The following NKAIN2 variants were observed in gnomAD, a reference collection of about 807,000 sequenced individuals.
NKAIN2 encodes sodium/potassium transporting ATPase interacting 2, also known as sodium/potassium-transporting ATPase subunit beta-1-interacting protein 2.
NKAIN2 carries 14 observed loss-of-function variants against 32.6 expected under a neutral mutation model. The observed-to-expected ratio is 0.43, with a 90% CI of 0.28 to 0.67. The LOEUF (loss-of-function observed/expected upper bound fraction) is 0.67, where lower values mean the gene tolerates loss of function less well. Ranked by LOEUF, NKAIN2 falls within the 30% of genes least tolerant of loss-of-function variation. The pLI, the probability that NKAIN2 is intolerant of heterozygous loss-of-function variation, is 0.17. For synonymous variants in NKAIN2, 80 were observed against 87.2 expected (o/e 0.92, Z 0.46); for missense variants, 198 against 258.3 (o/e 0.77, Z 1.60).
At chr6:124,160,570 A>G (rs1306172079) in intron 1 of NKAIN2, among the ~76,000 whole-genome samples, 7 of 152,182 alleles carry the variant, frequency 4.6e-5, no homozygotes, top group Non-Finnish European at 1.0e-4. Context: ...ATATTCAGCT[A>G]CTAAAATGAT....
intron 1 of NKAIN2, among the ~76,000 whole-genome samples, chr6:123,869,042 C>T (rs925649280): frequency 2.0e-5 from 3 of 152,036 alleles, no homozygotes; most frequent in African/African-American, 7.2e-5. Context: ...CTAAAACATC[C>T]GAAGAACTGG....
At chr6:124,467,579 A>G (rs1426325445) in intron 3 of NKAIN2, among the ~76,000 whole-genome samples, 2 of 152,092 alleles carry the variant, frequency 1.3e-5, no homozygotes, top group African/African-American at 2.4e-5. Flanking sequence ...AAACTCAGAG[A>G]AGGCTCTCCA....
intron 4 of NKAIN2, among the ~76,000 whole-genome samples, chr6:124,693,908 A>G (rs2114546390): frequency 6.6e-6 from 1 of 152,184 alleles, no homozygotes; most frequent in Middle Eastern, 3.4e-3. Flanking sequence ...AAAGTCCTCT[A>G]AATTGCATCT....
chr6:124,396,634 TGG>T (rs1491185543), intron 3 of NKAIN2, among the ~76,000 whole-genome samples: 2 of 152,160 alleles, frequency 1.3e-5, no homozygotes, highest in East Asian at 3.9e-4. Context: ...GAGTTGCTGA[TGG>T]AGAGTATGTT....
intron 3 of NKAIN2, among the ~76,000 whole-genome samples, chr6:124,524,317 T>G (rs923067009): frequency 6.6e-6 from 1 of 151,598 alleles, no homozygotes; most frequent in Non-Finnish European, 1.5e-5. Flanking sequence ...TGCAAATTTA[T>G]TTATCAAGTG....
chr6:124,343,890 A>G, intron 2 of NKAIN2, among the ~76,000 whole-genome samples: 1 of 134,852 alleles, frequency 7.4e-6, no homozygotes, highest in Middle Eastern at 3.6e-3. Context: ...GGTGTTTTAG[A>G]CATGAAGTCG....
intron 1 of NKAIN2, among the ~76,000 whole-genome samples, chr6:124,028,422 A>G (rs898184915): frequency 3.3e-5 from 5 of 151,162 alleles, no homozygotes; most frequent in African/African-American, 4.9e-5. Context: ...GGATAGCATT[A>G]GGAGATATAC....
At chr6:124,251,616 A>T (rs931443256) in intron 1 of NKAIN2, among the ~76,000 whole-genome samples, 1 of 152,036 alleles carries the variant, frequency 6.6e-6, no homozygotes, top group Non-Finnish European at 1.5e-5. Flanking sequence ...CTTTAGAAGT[A>T]AGCAAAGTGA....
intron 1 of NKAIN2, among the ~76,000 whole-genome samples, chr6:124,241,374 C>T (rs1793085865): frequency 6.6e-6 from 1 of 152,098 alleles, no homozygotes; most frequent in Non-Finnish European, 1.5e-5. Context: ...ACTTTCTTCA[C>T]AGAATTAGAA....
At chr6:124,736,694 G>A (rs1776963933) in intron 4 of NKAIN2, among the ~76,000 whole-genome samples, 1 of 151,930 alleles carries the variant, frequency 6.6e-6, no homozygotes, top group African/African-American at 2.4e-5. Context: ...TCTGTTTACA[G>A]CACAGTTTAC....
At chr6:123,888,810 C>T (rs975037820) in intron 1 of NKAIN2, among the ~76,000 whole-genome samples, 13 of 152,052 alleles carry the variant, frequency 8.5e-5, no homozygotes, top group African/African-American at 3.1e-4. Context: ...AACTATTTCT[C>T]TTAGGGACTG....
At chr6:123,992,281 A>C (rs1421933486) in intron 1 of NKAIN2, among the ~76,000 whole-genome samples, 1 of 152,190 alleles carries the variant, frequency 6.6e-6, no homozygotes, top group Admixed American at 6.5e-5. Context: ...GGAAAGAGGA[A>C]GGAATGGATA....
intron 1 of NKAIN2, among the ~76,000 whole-genome samples, chr6:124,272,994 C>A (rs1407676085): frequency 6.6e-6 from 1 of 152,152 alleles, no homozygotes; most frequent in Non-Finnish European, 1.5e-5. Flanking sequence ...TTGGAAGTAA[C>A]TAACTTGTTT....
In NKAIN2 at chr6:124,130,940, G is replaced by A. The variant is rs902626381; in HGVS notation, c.55-152065G>A. On this transcript the variant is annotated intron_variant, in intron 1 of 6. Transcript: ENST00000368417. Reference sequence around the variant, plus strand: ...GCTCATTCAGGTAGCAACAAGGGACGTGTGCACTCCAACACTGCGCAGTCC... The same window carrying A: ...GCTCATTCAGGTAGCAACAAGGGACATGTGCACTCCAACACTGCGCAGTCC... Among the ~76,000 whole-genome samples, 9 of 152,134 alleles carry A rather than the reference G, an allele frequency of 5.9e-5. 1 individual carries two copies. In the South Asian group the frequency reaches 6.2e-4, roughly 11 times the overall value.
chr6:123,928,303 A>G (rs541255391), intron 1 of NKAIN2, among the ~76,000 whole-genome samples: 16 of 152,284 alleles, frequency 1.1e-4, no homozygotes, highest in Non-Finnish European at 1.5e-4. Flanking sequence ...ATTGGGTACT[A>G]TGCTCACTGC....
intron 1 of NKAIN2, among the ~76,000 whole-genome samples, chr6:123,951,514 C>A (rs935656723): frequency 5.3e-5 from 8 of 151,882 alleles, no homozygotes; most frequent in African/African-American, 7.2e-5. Flanking sequence ...TATAATGACC[C>A]TCTTTTTCGC....
intron 5 of NKAIN2, among the ~76,000 whole-genome samples, chr6:124,800,812 G>T (rs1188335527): frequency 6.6e-6 from 1 of 152,112 alleles, no homozygotes; most frequent in Non-Finnish European, 1.5e-5. Context: ...GGTTGGCAGG[G>T]GCAGGCAGTG....
chr6:124,391,380 A>C (rs1773134498), intron 3 of NKAIN2, among the ~76,000 whole-genome samples: 1 of 152,090 alleles, frequency 6.6e-6, no homozygotes, highest in Non-Finnish European at 1.5e-5. Context: ...GTCAGTGGCA[A>C]TTTGGTATGA....
intron 3 of NKAIN2, among the ~76,000 whole-genome samples, chr6:124,562,563 T>A (rs1009386302): frequency 6.6e-6 from 1 of 152,234 alleles, no homozygotes; most frequent in Admixed American, 6.5e-5. Flanking sequence ...TTGTTATATC[T>A]ATTGATTACC....
Sources: allele counts gnomAD v4.1 joint callset (sites outside exome capture counted in the v4.1 genomes callset), GRCh38; gene constraint gnomAD v4.1.1; transcripts MANE v1.5; gene names NCBI Gene and HGNC (gene_info 2026-07-23, HGNC 2026-07-21).